The following CYP7B1 variants were observed in gnomAD, a reference collection of about 807,000 sequenced individuals.
CYP7B1 encodes the protein cytochrome P450 7B1.
Under a neutral mutation model 42.7 loss-of-function variants are expected in CYP7B1, and 29 were observed. The ratio of observed to expected loss-of-function variants is 0.68; its 90% CI spans 0.51 to 0.93. The LOEUF (loss-of-function observed/expected upper bound fraction) is 0.93. CYP7B1 is among the 40% of genes least tolerant of loss of function. The pLI is 0.00. For missense variants in CYP7B1, 655 were observed against 600.5 expected, an observed-to-expected ratio of 1.09 and a Z score of -0.95; for synonymous variants, 235 against 218.2, an observed-to-expected ratio of 1.08 and a Z score of -0.68.
chr8:64,633,138 AAATCCGGT>A (rs1262441257), intron 1 of CYP7B1, among the ~76,000 whole-genome samples: 1 of 152,166 alleles, frequency 6.6e-6, no homozygotes. Flanking sequence ...GGGAAATTTT[AAATCCGGT>A]ACACTATCTA....
intron 1 of CYP7B1, among the ~76,000 whole-genome samples, chr8:64,667,055 T>C (rs929207473): frequency 2.6e-5 from 4 of 152,192 alleles, no homozygotes; most frequent in African/African-American, 9.7e-5. Flanking sequence ...TTTCACATAA[T>C]CAGGGGCTAT....
chr8:64,789,652 C>T (rs1804586648), intron 1 of CYP7B1, among the ~76,000 whole-genome samples: 1 of 152,100 alleles, frequency 6.6e-6, no homozygotes, highest in Admixed American at 6.5e-5. Context: ...AACAAGCATC[C>T]AATAGATAGA....
rs576384108 is a variant in CYP7B1 at position 64,729,124 on chromosome 8, C to T, written c.122+69342G>A. Reference sequence around the variant, plus strand: ...GCAGACAACTGTGAGAGTGCCACTGCACTCCCGCCTGGGCAACAGATCGAT... The same window carrying T: ...GCAGACAACTGTGAGAGTGCCACTGTACTCCCGCCTGGGCAACAGATCGAT... On this transcript the variant is annotated intron_variant, in intron 1 of 5. Transcript: ENST00000310193. 4.6e-5 allele frequency: 7 copies of T among 152,356 alleles called. No homozygotes were observed. In the South Asian group the frequency reaches 1.0e-3, roughly 23 times the overall value. The allele number at this position is 152,356 out of a possible 1,614,324, so 9.4% of individuals were successfully genotyped here. A position where few individuals can be genotyped will look rare whatever the true frequency, so the allele number is the denominator to read the frequency against.
intron 1 of CYP7B1, among the ~76,000 whole-genome samples, chr8:64,797,812 T>C (rs1294523590): frequency 6.6e-6 from 1 of 152,256 alleles, no homozygotes; most frequent in Non-Finnish European, 1.5e-5. Flanking sequence ...TGAATGATTT[T>C]ATCTGAACTT....
intron 1 of CYP7B1, among the ~76,000 whole-genome samples, chr8:64,783,516 GAA>G (rs1804466515): frequency 1.3e-5 from 2 of 150,204 alleles, no homozygotes; most frequent in African/African-American, 4.9e-5. Flanking sequence ...TGAGAGGGCT[GAA>G]AGAGAGAAAA....
At chr8:64,673,940 T>C (rs1480069124) in intron 1 of CYP7B1, among the ~76,000 whole-genome samples, 1 of 152,070 alleles carries the variant, frequency 6.6e-6, no homozygotes, top group African/African-American at 2.4e-5. Flanking sequence ...ATATCTGATA[T>C]CCACCTAAAT....
At chr8:64,675,677 A>G (rs1806435490) in intron 1 of CYP7B1, among the ~76,000 whole-genome samples, 1 of 152,128 alleles carries the variant, frequency 6.6e-6, no homozygotes, top group Non-Finnish European at 1.5e-5. Context: ...GATCAAGTAC[A>G]TCAGGTACAA....
At chr8:64,650,481 C>G (rs901026017) in intron 1 of CYP7B1, among the ~76,000 whole-genome samples, 2 of 151,970 alleles carry the variant, frequency 1.3e-5, no homozygotes, top group African/African-American at 4.8e-5. Flanking sequence ...GACCCCGTCT[C>G]TACCAAAAAT....
intron 1 of CYP7B1, among the ~76,000 whole-genome samples, chr8:64,710,110 T>C (rs1312325162): frequency 3.3e-5 from 5 of 152,174 alleles, no homozygotes; most frequent in Non-Finnish European, 7.3e-5. Flanking sequence ...TCCATTAGTC[T>C]CAGTACCAGC....
At chr8:64,631,399 C>T (rs1805693647) in intron 1 of CYP7B1, among the ~76,000 whole-genome samples, 1 of 152,000 alleles carries the variant, frequency 6.6e-6, no homozygotes, top group Non-Finnish European at 1.5e-5. Flanking sequence ...TTATCTTATA[C>T]TACCTACAAA....
At chr8:64,798,199 T>C (rs1339136478) in intron 1 of CYP7B1, among the ~76,000 whole-genome samples, 2 of 152,250 alleles carry the variant, frequency 1.3e-5, no homozygotes, top group Non-Finnish European at 2.9e-5. Context: ...TGATGCATAA[T>C]GCATACCGCC....
intron 1 of CYP7B1, among the ~76,000 whole-genome samples, chr8:64,770,538 G>A (rs973381356): frequency 6.6e-6 from 1 of 152,192 alleles, no homozygotes; most frequent in African/African-American, 2.4e-5. Context: ...CACTTAATAT[G>A]CAATAAAGTA....
chr8:64,711,065 T>C (rs1484776896), intron 1 of CYP7B1, among the ~76,000 whole-genome samples: 3 of 152,166 alleles, frequency 2.0e-5, no homozygotes. Context: ...ATTTCTGTTC[T>C]ATATTTTTAG....
rs550721481 is a variant in CYP7B1, at chr8:64,739,206, T to C, written c.122+59260A>G. On this transcript the variant is annotated intron_variant, in intron 1 of 5. Transcript: ENST00000310193. ...GGGAATTGAGGGAAGCTAAGAAACA[T>C]TGGTGAAGGTCACAGCCCAGGAATA... Among the ~76,000 whole-genome samples the C allele has an allele frequency of 1.2e-4, 18 of 152,270 alleles. No individual in the cohort carries two copies. The South Asian group carries it at 1.7e-3, about 14-fold the overall frequency.
intron 1 of CYP7B1, among the ~76,000 whole-genome samples, chr8:64,786,372 G>A (rs1396106110): frequency 6.6e-6 from 1 of 152,140 alleles, no homozygotes; most frequent in African/African-American, 2.4e-5. Flanking sequence ...ACAGGAATTG[G>A]GTAAATACAC....
intron 1 of CYP7B1, among the ~76,000 whole-genome samples, chr8:64,653,919 C>T (rs936051512): frequency 3.3e-5 from 5 of 152,014 alleles, no homozygotes; most frequent in Non-Finnish European, 5.9e-5. Context: ...TCTGTAAAGC[C>T]TTTTGATAAA....
intron 1 of CYP7B1, among the ~76,000 whole-genome samples, chr8:64,644,296 A>G (rs938510359): frequency 2.6e-5 from 4 of 151,686 alleles, no homozygotes; most frequent in African/African-American, 7.3e-5. Context: ...AAGAATGGCT[A>G]TCAACTTTTT....
At chr8:64,742,311 G>A (rs577916529) in intron 1 of CYP7B1, among the ~76,000 whole-genome samples, 2 of 151,960 alleles carry the variant, frequency 1.3e-5, no homozygotes, top group African/African-American at 2.4e-5. Flanking sequence ...CCCAAACATC[G>A]TTTTAATGTA....
At chr8:64,683,488 A>G (rs185733174) in intron 1 of CYP7B1, among the ~76,000 whole-genome samples, 1 of 152,320 alleles carries the variant, frequency 6.6e-6, no homozygotes, top group African/African-American at 2.4e-5. Context: ...TGGGTACAAA[A>G]AAATAGAAAG....
Sources: gnomAD v4.1 joint callset for allele counts (sites outside exome capture counted in the v4.1 genomes callset) on GRCh38, gnomAD v4.1.1 for gene constraint, MANE v1.5 for transcripts, NCBI Gene and HGNC (gene_info 2026-07-23, HGNC 2026-07-21) for gene names.